RPA3: variants seen among roughly 807,000 people sequenced by gnomAD.
The protein encoded by RPA3 is replication protein A3.
A neutral mutation model predicts 13.7 loss-of-function variants in RPA3; 24 were observed. The observed-to-expected ratio is 1.75, with a 90% CI of 1.27 to 2.46. The LOEUF is 2.46. RPA3 is among the 30% of genes most tolerant of loss of function. RPA3 has a pLI of 0.00. For missense variants in RPA3, 183 were observed against 151.0 expected, an observed-to-expected ratio of 1.21 and a Z score of -1.11; for synonymous variants, 59 against 51.2, an observed-to-expected ratio of 1.15 and a Z score of -0.65.
At chr7:7,667,656 G>A (rs1294921065) in intron 4 of RPA3, among the ~76,000 whole-genome samples, 1 of 152,194 alleles carries the variant, frequency 6.6e-6, no homozygotes, top group Non-Finnish European at 1.5e-5. Context: ...GGTAGTAAAT[G>A]TCTTCACAGC....
At position 7,688,119 on chromosome 7, in the gene RPA3, T is replaced by A. The variant is rs1205770447; in HGVS notation, c.-1027-791A>T. Among the ~76,000 whole-genome samples, 3 of 152,356 alleles carry A rather than the reference T, an allele frequency of 2.0e-5. No individual in the cohort carries two copies. The South Asian group carries it at 6.2e-4, about 32-fold the overall frequency. On this transcript the variant is annotated intron_variant, in intron 2 of 7. Transcript: ENST00000223129. ...GTCTGGAAACTTCTGACACTACATG[T>A]AAAATTTTAGGTTTGTATTTTTGGG...
chr7:7,668,852 T>G (rs1251108266), intron 4 of RPA3, among the ~76,000 whole-genome samples: 1 of 152,186 alleles, frequency 6.6e-6, no homozygotes, highest in African/African-American at 2.4e-5. Context: ...GCTTAAGCCC[T>G]CAAGGCCTCA....
At chr7:7,716,641 A>G (rs1780911294) in intron 1 of RPA3, among the ~76,000 whole-genome samples, 1 of 152,208 alleles carries the variant, frequency 6.6e-6, no homozygotes, top group Non-Finnish European at 1.5e-5. Flanking sequence ...CTGCCTAGTA[A>G]AAGATTAGGG....
At chr7:7,688,211 CT>C (rs548743466) in intron 2 of RPA3, among the ~76,000 whole-genome samples, 1 of 152,090 alleles carries the variant, frequency 6.6e-6, no homozygotes, top group Admixed American at 6.6e-5. Flanking sequence ...TTAAGAATTA[CT>C]TTTTTAGATG....
At chr7:7,692,042 C>T (rs1327380275) in intron 2 of RPA3, among the ~76,000 whole-genome samples, 1 of 152,150 alleles carries the variant, frequency 6.6e-6, no homozygotes, top group Non-Finnish European at 1.5e-5. Flanking sequence ...ACACATAGTA[C>T]AGTATGTTGA....
At position 7,640,726 on chromosome 7, in the gene RPA3, T is replaced by C; in HGVS notation, c.-308A>G. On this transcript the variant is annotated 5_prime_UTR_variant, in exon 5 of 8. Coordinates refer to ENST00000223129, the MANE Select transcript of RPA3 (RefSeq NM_002947.5). Reference sequence around the variant, plus strand: ...TAGGGGCGGAACCTGAGACTACCTTTCTGCGATCACAGGATTCCCGGCGGT... The same window carrying C: ...TAGGGGCGGAACCTGAGACTACCTTCCTGCGATCACAGGATTCCCGGCGGT... 3.2e-6 allele frequency: 1 copy of C among 313,242 alleles called. No homozygotes were observed. The highest frequency in any genetic ancestry group is 6.0e-6 in the Non-Finnish European group (1 of 166,840). 19.4% of individuals were successfully genotyped at this position (313,242 alleles called of 1,614,324 possible). A position where few individuals can be genotyped will look rare whatever the true frequency, so the allele number is the denominator to read the frequency against.
intron 4 of RPA3, among the ~76,000 whole-genome samples, chr7:7,667,148 C>T (rs1477720583): frequency 3.3e-5 from 5 of 152,190 alleles, no homozygotes; most frequent in African/African-American, 1.2e-4. Flanking sequence ...ATAGAGGTAG[C>T]TCCAGGATCC....
intron 4 of RPA3, among the ~76,000 whole-genome samples, chr7:7,668,485 A>G (rs187379357): frequency 3.5e-4 from 53 of 152,274 alleles, no homozygotes; most frequent in African/African-American, 1.2e-3. Flanking sequence ...GTTATTGCTA[A>G]TCTCTTAGTG....
At chr7:7,688,902 A>G (rs1780103434) in intron 2 of RPA3, among the ~76,000 whole-genome samples, 1 of 152,142 alleles carries the variant, frequency 6.6e-6, no homozygotes, top group Non-Finnish European at 1.5e-5. Flanking sequence ...CTATTAAGGT[A>G]TTTTCTCCAA....
chr7:7,680,003 T>A (rs993994705), intron 4 of RPA3, among the ~76,000 whole-genome samples: 7 of 152,206 alleles, frequency 4.6e-5, no homozygotes, highest in Admixed American at 2.0e-4. Context: ...TCTTTACTGT[T>A]GATTAATCAT....
intron 1 of RPA3, among the ~76,000 whole-genome samples, chr7:7,715,847 TA>T (rs1780888100): frequency 6.6e-6 from 1 of 152,308 alleles, no homozygotes; most frequent in Middle Eastern, 3.4e-3. Flanking sequence ...ATCAAACATT[TA>T]AAAAATAGTA....
intron 2 of RPA3, among the ~76,000 whole-genome samples, chr7:7,711,270 C>T (rs1301286270): frequency 1.3e-5 from 2 of 152,120 alleles, no homozygotes; most frequent in Non-Finnish European, 2.9e-5. Flanking sequence ...TGAAAAAGTT[C>T]AATTAAAAGA....
intron 2 of RPA3, chr7:7,689,314 A>G (rs1780117194): frequency 6.6e-6 from 1 of 152,188 alleles, no homozygotes; most frequent in South Asian, 2.1e-4. Flanking sequence ...TGTTTTATCT[A>G]TCATTGCCAA....
At chr7:7,649,175 A>AAAAAAAAAG in intron 4 of RPA3, among the ~76,000 whole-genome samples, 1 of 104,604 alleles carries the variant, frequency 9.6e-6, no homozygotes, top group Non-Finnish European at 1.8e-5. Context: ...AAAAAAAAAA[A>AAAAAAAAAG]AAAAGAAAAG....
At chr7:7,650,477 G>A (rs1291172390) in intron 4 of RPA3, among the ~76,000 whole-genome samples, 1 of 152,094 alleles carries the variant, frequency 6.6e-6, no homozygotes, top group African/African-American at 2.4e-5. Flanking sequence ...TTTAAATTGT[G>A]ATTTTGCTGT....
chr7:7,693,338 C>CTATCTATCTATCTAT (rs1563128548), intron 2 of RPA3, among the ~76,000 whole-genome samples: 1 of 44,696 alleles, frequency 2.2e-5, no homozygotes, highest in African/African-American at 7.1e-5. Context: ...TATCTATCTA[C>CTATCTATCTATCTAT]ATTATTTCGG....
At chr7:7,643,702 A>G (rs1210877259) in intron 4 of RPA3, among the ~76,000 whole-genome samples, 1 of 137,262 alleles carries the variant, frequency 7.3e-6, no homozygotes, top group Non-Finnish European at 1.5e-5. Flanking sequence ...ACAGAGCGAG[A>G]CTCCCTCTCA....
Position 7,639,652 on chromosome 7 carries a change from C to T in RPA3, c.100-508G>A, listed in dbSNP as rs544092165. On this transcript the variant is annotated intron_variant, in intron 5 of 7. Coordinates refer to ENST00000223129, the MANE Select transcript of RPA3 (RefSeq NM_002947.5). Reference sequence around the variant, plus strand: ...AGTTTCTGAGCATTTTAGTCAACCACCTACCACTCCTACTCAGTTTCCCTA... The same window carrying T: ...AGTTTCTGAGCATTTTAGTCAACCATCTACCACTCCTACTCAGTTTCCCTA... Among the ~76,000 whole-genome samples, 6 of 152,288 alleles carry T rather than the reference C, an allele frequency of 3.9e-5. No individual in the cohort carries two copies. In the South Asian group the frequency reaches 1.2e-3, roughly 32 times the overall value.
At chr7:7,706,032 T>C (rs1191402281) in intron 2 of RPA3, among the ~76,000 whole-genome samples, 1 of 152,178 alleles carries the variant, frequency 6.6e-6, no homozygotes, top group Non-Finnish European at 1.5e-5. Context: ...TATTTTTACA[T>C]GGAAAAATAC....
Sources: gnomAD v4.1 joint callset for allele counts (sites outside exome capture counted in the v4.1 genomes callset) on GRCh38, gnomAD v4.1.1 for gene constraint, MANE v1.5 for transcripts, NCBI Gene and HGNC (gene_info 2026-07-23, HGNC 2026-07-21) for gene names.